Variants in PDE7B observed in about 807,000 individuals in gnomAD.
The protein encoded by PDE7B is phosphodiesterase 7B.
PDE7B carries 29 observed loss-of-function variants against 56.2 expected under a neutral mutation model. That is an observed-to-expected ratio of 0.52 (90% CI 0.38 to 0.70). The LOEUF (loss-of-function observed/expected upper bound fraction) is 0.70. Among genes scored for constraint, PDE7B ranks in the 30% least tolerant of loss-of-function variants. The probability of loss-of-function intolerance (pLI) is 0.00; values close to 1 mark genes in which losing one functional copy is unlikely to be tolerated. For synonymous variants in PDE7B, 197 were observed against 196.9 expected (o/e 1.00, Z 0.00); for missense variants, 490 against 565.0 (o/e 0.87, Z 1.35).
intron 4 of PDE7B, 26 bp downstream of exon 4, chr6:136,147,528 C>T: frequency 6.2e-7 from 1 of 1,607,574 alleles, no homozygotes; most frequent in Non-Finnish European, 8.5e-7. Context: ...CATCTCCTCA[C>T]AGCAGGCCAG....
chr6:136,011,983 G>A (rs1775902277), intron 2 of PDE7B, among the ~76,000 whole-genome samples: 1 of 152,146 alleles, frequency 6.6e-6, no homozygotes. Flanking sequence ...TCACGAGGTA[G>A]AAGATCGATT....
chr6:136,147,352 T>C lies in PDE7B; in HGVS notation c.168T>C (p.Ser56=). The stretch of plus-strand genomic sequence containing the variant: ...TCTTGACTTGATGACTTTCCACAGG[T>C]ACAACATACTCAGGGGAGATTGGCA... ...YPFIDFRLLN[S]TTYSGEIGTK... The change falls in exon 4 of 13, where the codon AGT becomes AGC. Residue 56 remains serine (S), a splice_region_variant and synonymous_variant. Transcript: ENST00000308191. 6.2e-7 allele frequency: 1 copy of C among 1,609,404 alleles called. No homozygotes were observed. The highest frequency in any genetic ancestry group is 8.5e-7 in the Non-Finnish European group (1 of 1,176,362).
chr6:135,884,646 T>C (rs1775669719), intron 1 of PDE7B, among the ~76,000 whole-genome samples: 1 of 152,202 alleles, frequency 6.6e-6, no homozygotes, highest in Admixed American at 6.5e-5. Context: ...CAGTAGTATT[T>C]ATAGAACTCT....
chr6:136,086,656 C>T (rs889753189), intron 2 of PDE7B, among the ~76,000 whole-genome samples: 2 of 152,130 alleles, frequency 1.3e-5, no homozygotes, highest in Non-Finnish European at 2.9e-5. Flanking sequence ...TCAAAAACCT[C>T]GACACCAATC....
intron 2 of PDE7B, among the ~76,000 whole-genome samples, chr6:136,107,877 C>T (rs1254229544): frequency 6.6e-6 from 1 of 151,934 alleles, no homozygotes; most frequent in East Asian, 1.9e-4. Context: ...GCCTGTAATC[C>T]CAGAACTTTG....
intron 1 of PDE7B, among the ~76,000 whole-genome samples, chr6:135,937,181 C>T (rs1013950925): frequency 3.9e-5 from 6 of 152,344 alleles, no homozygotes; most frequent in South Asian, 4.1e-4. Flanking sequence ...GGTCAGCAAA[C>T]GTGGCTGCTG....
intron 2 of PDE7B, among the ~76,000 whole-genome samples, chr6:135,972,538 A>C (rs1425099679): frequency 1.8e-4 from 27 of 152,144 alleles, no homozygotes. Flanking sequence ...TAGTGTGTTT[A>C]TTTGCTAATC....
rs567922533 is a variant in PDE7B at position 136,086,913 on chromosome 6, C to A, written c.83-21818C>A. On this transcript the variant is annotated intron_variant, in intron 2 of 12. Transcript: ENST00000308191. ...GCTGTTATTCCCATTGGCACCAGAA[C>A]GTGCCAATCACCACACAAACTGTGG... Among the ~76,000 whole-genome samples, 3 of 152,314 alleles carry A rather than the reference C, an allele frequency of 2.0e-5. No homozygotes were observed. In the East Asian group the frequency reaches 5.8e-4, roughly 29 times the overall value.
At chr6:135,925,970 CAG>C (rs1774176529) in intron 1 of PDE7B, among the ~76,000 whole-genome samples, 1 of 151,516 alleles carries the variant, frequency 6.6e-6, no homozygotes, top group African/African-American at 2.4e-5. Flanking sequence ...TAATAGAAGA[CAG>C]ATTAACAAAA....
intron 3 of PDE7B, among the ~76,000 whole-genome samples, chr6:136,123,091 T>TGACTAA (rs1281756342): frequency 3.6e-3 from 7 of 1,934 alleles, no homozygotes; most frequent in Non-Finnish European, 5.9e-3. Flanking sequence ...CTAGGTGCGG[T>TGACTAA]GGCTAATCCC....
chr6:135,962,117 C>T (rs147451275), intron 2 of PDE7B, among the ~76,000 whole-genome samples: 79 of 152,140 alleles, frequency 5.2e-4, no homozygotes, highest in African/African-American at 1.6e-3. Flanking sequence ...ATTGCTTTAC[C>T]TTCCTCTCAA....
At chr6:135,955,988 T>A (rs1774785885) in intron 2 of PDE7B, among the ~76,000 whole-genome samples, 1 of 152,124 alleles carries the variant, frequency 6.6e-6, no homozygotes, top group Non-Finnish European at 1.5e-5. Flanking sequence ...AGGAGGGCTC[T>A]GCAAGTCAGT....
At chr6:135,904,540 T>G (rs538534813) in intron 1 of PDE7B, among the ~76,000 whole-genome samples, 1 of 152,322 alleles carries the variant, frequency 6.6e-6, no homozygotes, top group South Asian at 2.1e-4. Context: ...GCATTCTGAT[T>G]ACATTTCTAA....
chr6:136,015,336 T>C lies in PDE7B; in HGVS notation c.82+67812T>C, dbSNP rs756056557. Among the ~76,000 whole-genome samples the C allele has an allele frequency of 5.9e-5, 9 of 152,324 alleles. No homozygotes were observed. In the East Asian group the frequency reaches 1.2e-3, roughly 20 times the overall value. On this transcript the variant is annotated intron_variant, in intron 2 of 12. Coordinates refer to ENST00000308191, the MANE Select transcript of PDE7B (RefSeq NM_018945.4). ...CAGCGGATATAACCCTTGCCTTTCT[T>C]TGAAGTGTGAGCTATCAAAAACTAA...
chr6:135,893,687 C>G (rs1165569523), intron 1 of PDE7B, among the ~76,000 whole-genome samples: 2 of 152,154 alleles, frequency 1.3e-5, no homozygotes, highest in Non-Finnish European at 2.9e-5. Flanking sequence ...GACTATAAAT[C>G]ATGCTGCTAT....
At chr6:136,117,399 T>G (rs994364795) in intron 3 of PDE7B, among the ~76,000 whole-genome samples, 11 of 152,192 alleles carry the variant, frequency 7.2e-5, no homozygotes, top group African/African-American at 2.7e-4. Flanking sequence ...ATCTAAGGGA[T>G]TCACTGTGGT....
At chr6:135,907,321 CCT>C (rs2128193118) in intron 1 of PDE7B, among the ~76,000 whole-genome samples, 1 of 152,250 alleles carries the variant, frequency 6.6e-6, no homozygotes, top group South Asian at 2.1e-4. Context: ...TAAACTCTGA[CCT>C]CTGTTTCCTT....
At chr6:136,052,204 T>G (rs1776641831) in intron 2 of PDE7B, among the ~76,000 whole-genome samples, 1 of 151,924 alleles carries the variant, frequency 6.6e-6, no homozygotes, top group Non-Finnish European at 1.5e-5. Context: ...ATATAAAAAG[T>G]AGGAGGAAAG....
At position 136,028,878 on chromosome 6, in the gene PDE7B, G is replaced by A. The variant is rs556636697; in HGVS notation, c.83-79853G>A. 5.3e-5 allele frequency among the ~76,000 whole-genome samples: 8 copies of A among 152,320 alleles called. No homozygotes were observed. The South Asian group carries it at 1.7e-3, about 32-fold the overall frequency. On this transcript the variant is annotated intron_variant, in intron 2 of 12. Coordinates refer to ENST00000308191, the MANE Select transcript of PDE7B (RefSeq NM_018945.4). ...ATTCACAGGTTCCGAGGACTAGGATGTGGGCACCTTTGGAAGGCCATTATT... is the reference window on the plus strand; with the variant it reads ...ATTCACAGGTTCCGAGGACTAGGATATGGGCACCTTTGGAAGGCCATTATT...
Sources: gnomAD v4.1 joint callset for allele counts (sites outside exome capture counted in the v4.1 genomes callset) on GRCh38, gnomAD v4.1.1 for gene constraint, MANE v1.5 for transcripts, NCBI Gene and HGNC (gene_info 2026-07-23, HGNC 2026-07-21) for gene names.